The following RAVER1 variants were observed in gnomAD, a reference collection of about 807,000 sequenced individuals.
RAVER1 encodes ribonucleoprotein PTB-binding 1.
RAVER1 carries 36 observed loss-of-function variants against 68.4 expected under a neutral mutation model. That is an observed-to-expected ratio of 0.53 (90% CI 0.40 to 0.70). The LOEUF is 0.70. RAVER1 is among the 30% of genes least tolerant of loss of function. The probability of loss-of-function intolerance (pLI) is 0.00; values close to 1 mark genes in which losing one functional copy is unlikely to be tolerated. For missense variants in RAVER1, 933 were observed against 1,019.8 expected, an observed-to-expected ratio of 0.91 and a Z score of 1.16; for synonymous variants, 469 against 472.7, an observed-to-expected ratio of 0.99 and a Z score of 0.10.
At position 10,329,646 on chromosome 19, in the gene RAVER1, C is replaced by T. The variant is rs1416860325; in HGVS notation, c.287-535G>A. ...CACTCTACACACTGCCCACCCCTGC[C>T]ACCTTTCCAGGCCACCAGTGCCCCT... On this transcript the variant is annotated intron_variant, in intron 2 of 12. Transcript: ENST00000617231. The surrounding 1 kb of genome is among the most constrained non-coding windows in gnomAD (Gnocchi z 4.6). Among the ~76,000 whole-genome samples the T allele has an allele frequency of 1.3e-5, 2 of 152,204 alleles. No individual in the cohort carries two copies. Among genetic ancestry groups the T allele is most frequent in the Non-Finnish European group, 2.9e-5 (2 of 68,046 alleles).
At chr19:10,330,889 C>T (rs1046856609) in intron 1 of RAVER1, among the ~76,000 whole-genome samples, 4 of 151,118 alleles carry the variant, frequency 2.6e-5, no homozygotes, top group African/African-American at 9.8e-5. Flanking sequence ...CATGGTGAAA[C>T]CTTGTCTCTA....
chr19:10,322,558 T>G lies in RAVER1; in HGVS notation c.1173+87A>C. The stretch of plus-strand genomic sequence containing the variant: ...TGCGCCCCCAGGGCACAGCCAGAGG[T>G]CCCCCCACCCCACCGATCGCACCAG... On this transcript the variant is annotated intron_variant, in intron 6 of 12. Coordinates refer to ENST00000617231, the MANE Select transcript of RAVER1 (RefSeq NM_133452.3). The surrounding 1 kb of genome is among the most constrained non-coding windows in gnomAD (Gnocchi z 4.3). 1.0e-6 allele frequency: 1 copy of G among 992,810 alleles called. No individual in the cohort carries two copies. 61.5% of individuals were successfully genotyped at this position (992,810 alleles called of 1,614,324 possible). A position where few individuals can be genotyped will look rare whatever the true frequency, so the allele number is the denominator to read the frequency against.
rs2040452037 is a variant in RAVER1, at chr19:10,323,304, T to G, written c.949-30A>C. ...AGGAAGGAACAGAAGCAGCTCAGAG[T>G]GCCGCTGGGGCCCTGACATCCCCAT... On this transcript the variant is annotated intron_variant, in intron 4 of 12. Coordinates refer to ENST00000617231, the MANE Select transcript of RAVER1 (RefSeq NM_133452.3). The surrounding 1 kb of genome is among the most constrained non-coding windows in gnomAD (Gnocchi z 6.2). The G allele has an allele frequency of 1.2e-6, 2 of 1,612,510 alleles. No individual in the cohort carries two copies. The highest frequency in any genetic ancestry group is 1.7e-6 in the Non-Finnish European group (2 of 1,179,390).
At position 10,319,045 on chromosome 19, in the gene RAVER1, A is replaced by T. The variant is rs537890746; in HGVS notation, c.1845+121T>A. The T allele has an allele frequency of 2.6e-5, 24 of 919,232 alleles. No homozygotes were observed. In the African/African-American group the frequency reaches 2.8e-4, roughly 11 times the overall value. The allele number at this position is 919,232 out of a possible 1,614,324, so 56.9% of individuals were successfully genotyped here. ...GGGCAACACAGTGAGATCCTGTCTT[A>T]AAAAAACCCACAAAGAACACACAAA... On this transcript the variant is annotated intron_variant, in intron 10 of 12. Transcript: ENST00000617231.
chr19:10,320,034 T>A (rs190934044), intron 9 of RAVER1, among the ~76,000 whole-genome samples: 402 of 151,878 alleles, frequency 2.6e-3, no homozygotes, highest in African/African-American at 9.2e-3. Flanking sequence ...GAGAGAGGGA[T>A]AGAAAGGGCA....
At chr19:10,330,615 G>GCGGCACT in intron 1 of RAVER1, 89 bp from the exon 2 acceptor site, 1 of 668,742 alleles carries the variant, frequency 1.5e-6, no homozygotes, top group Non-Finnish European at 2.8e-6. Flanking sequence ...CAGCTATGAA[G>GCGGCACT]GCAGGTCAAT....
Position 10,328,819 on chromosome 19 carries a change from C to A in RAVER1, c.579G>T (p.Leu193=), listed in dbSNP as rs1412111486. ...KDSAARAKSD[L]LGKPLGPRTL... is the part of the protein sequence containing the mutation. ...TGCGTGGTCCCAGCGGCTTGCCCAG[C>A]AGGTCCGACTTGGCACGGGCAGCCG... The change falls in exon 3 of 13, where the codon CTG becomes CTT. Residue 193 remains leucine, a synonymous_variant. Coordinates refer to ENST00000617231, the MANE Select transcript of RAVER1 (RefSeq NM_133452.3). This position sits in a 1 kb window ranked among gnomAD's most constrained non-coding sequence, Gnocchi z 4.4. 6.2e-7 allele frequency: 1 copy of A among 1,612,870 alleles called. No homozygotes were observed. The highest frequency in any genetic ancestry group is 8.5e-7 in the Non-Finnish European group (1 of 1,179,806).
chr19:10,325,128 C>G (rs989537095), intron 3 of RAVER1, among the ~76,000 whole-genome samples: 2 of 152,122 alleles, frequency 1.3e-5, no homozygotes, highest in African/African-American at 2.4e-5. Flanking sequence ...TCAATCAATT[C>G]TCCTGCCTCA....
Position 10,317,381 on chromosome 19 carries a change from A to C in RAVER1, c.*73T>G. 6.7e-7 allele frequency: 1 copy of C among 1,503,736 alleles called. No individual in the cohort carries two copies. Among genetic ancestry groups the C allele is most frequent in the Non-Finnish European group, 9.2e-7 (1 of 1,086,370 alleles). The allele number at this position is 1,503,736 out of a possible 1,614,324, so 93.1% of individuals were successfully genotyped here. A position where few individuals can be genotyped will look rare whatever the true frequency, so the allele number is the denominator to read the frequency against. ...AAAGAGAGAAAATGGTTTAAAAAAA[A>C]CACAAAACAAAACATCAGAAAACCC... On this transcript the variant is annotated 3_prime_UTR_variant, in exon 13 of 13. Transcript: ENST00000617231. The surrounding 1 kb of genome is among the most constrained non-coding windows in gnomAD (Gnocchi z 4.3).
At position 10,323,020 on chromosome 19, in the gene RAVER1, T is replaced by A. The variant is rs987478761; in HGVS notation, c.1078+125A>T. ...AGCAGCCCCCGCTATGACTCCATAC[T>A]CCCCCTCGGCCCTACTCCTGGGGCT... On this transcript the variant is annotated intron_variant, in intron 5 of 12. Transcript: ENST00000617231. This position sits in a 1 kb window ranked among gnomAD's most constrained non-coding sequence, Gnocchi z 6.2. 9.8e-6 allele frequency: 8 copies of A among 814,648 alleles called. No homozygotes were observed. The highest frequency in any genetic ancestry group is 7.0e-5 in the African/African-American group (4 of 57,118). 50.5% of individuals were successfully genotyped at this position (814,648 alleles called of 1,614,324 possible).
In RAVER1 at chr19:10,317,533, C is replaced by T; in HGVS notation, c.2141G>A (p.Gly714Asp). ...CTGGGAGTGCTGGCCCACATAGCTG[C>T]CTTCTGGGCTGGGCTCGGGCGAGGG... ...LLPSPEPSPE[G>D]SYVGQHSQGL... The change falls in exon 13 of 13, where the codon GGC (glycine) becomes GAC (aspartate). Residue 714 changes from glycine (G) to aspartate (D), a missense_variant. By Grantham distance (94) the Gly-to-Asp change is moderately conservative. Around this residue, in one of 3 missense-constraint regions of RAVER1, gnomAD observed 699 missense variants for 731.1 expected, o/e 0.96. Transcript: ENST00000617231. This position sits in a 1 kb window ranked among gnomAD's most constrained non-coding sequence, Gnocchi z 4.3. 6.2e-7 allele frequency: 1 copy of T among 1,613,698 alleles called. No homozygotes were observed. Among genetic ancestry groups the T allele is most frequent in the Non-Finnish European group, 8.5e-7 (1 of 1,179,722 alleles).
In RAVER1 at chr19:10,323,997, A is replaced by C. The variant is rs1020994700; in HGVS notation, c.757-431T>G. ...AACCCCGTCTCTACTAAAAATACAA[A>C]ATTAGCCAGGCGTGGTGGCACATGC... On this transcript the variant is annotated intron_variant, in intron 3 of 12. Transcript: ENST00000617231. The surrounding 1 kb of genome is among the most constrained non-coding windows in gnomAD (Gnocchi z 6.2). 6.6e-6 allele frequency among the ~76,000 whole-genome samples: 1 copy of C among 151,902 alleles called. No individual in the cohort carries two copies. The highest frequency in any genetic ancestry group is 1.5e-5 in the Non-Finnish European group (1 of 67,972).
In RAVER1 at chr19:10,322,733, A is replaced by G; in HGVS notation, c.1085T>C (p.Leu362Pro). Residue 362 changes from leucine (L) to proline (P), a missense_variant, in exon 6 of 13, where the codon CTG becomes CCG. Around this residue, in one of 3 missense-constraint regions of RAVER1, gnomAD observed 699 missense variants for 731.1 expected, o/e 0.96. Transcript: ENST00000617231. This position sits in a 1 kb window ranked among gnomAD's most constrained non-coding sequence, Gnocchi z 4.3. ...CAGCGGCATGGCTGGGGGGGCACCCAGGAGGCCTGGAGGGAGACATAGGAG... is the reference window on the plus strand; with the variant it reads ...CAGCGGCATGGCTGGGGGGGCACCCGGGAGGCCTGGAGGGAGACATAGGAG... Reference protein sequence around the residue: ...HGSAGGKQGLLGAPPAMPLLN... With the variant: ...HGSAGGKQGLPGAPPAMPLLN... 6.7e-7 allele frequency: 1 copy of G among 1,500,798 alleles called. No individual in the cohort carries two copies. Among genetic ancestry groups the G allele is most frequent in the Non-Finnish European group, 8.8e-7 (1 of 1,134,496 alleles). The allele number at this position is 1,500,798 out of a possible 1,614,324, so 93.0% of individuals were successfully genotyped here. A position where few individuals can be genotyped will look rare whatever the true frequency, so the allele number is the denominator to read the frequency against.
chr19:10,320,752 G>T lies in RAVER1; in HGVS notation c.1673C>A (p.Ala558Asp). The part of the protein sequence containing the change: ...APGGGSSSSK[A>D]FQLKSRLLSP... ...GAGCAGGCGGGACTTGAGCTGGAAG[G>T]CTTTGCTGCTGCTGCTGCCACCTCC... The change falls in exon 9 of 13, where the codon GCC becomes GAC. Residue 558 changes from alanine (A) to aspartate (D), a missense_variant. Around this residue, in one of 3 missense-constraint regions of RAVER1, gnomAD observed 699 missense variants for 731.1 expected, o/e 0.96. Coordinates refer to ENST00000617231, the MANE Select transcript of RAVER1 (RefSeq NM_133452.3). 2.6e-6 allele frequency: 4 copies of T among 1,515,270 alleles called. No individual in the cohort carries two copies. Among genetic ancestry groups the T allele is most frequent in the Non-Finnish European group, 2.6e-6 (3 of 1,141,240 alleles). The allele number at this position is 1,515,270 out of a possible 1,614,324, so 93.9% of individuals were successfully genotyped here.
intron 1 of RAVER1, among the ~76,000 whole-genome samples, chr19:10,330,925 G>C (rs181752422): frequency 2.0e-5 from 3 of 151,908 alleles, no homozygotes; most frequent in Non-Finnish European, 4.4e-5. Context: ...TTAGCCAGGA[G>C]TGGTGGCGCA....
rs1245337573 is a variant in RAVER1 at position 10,330,453 on chromosome 19, C to G, written c.286+7G>C. On this transcript the variant is annotated splice_region_variant and intron_variant, in intron 2 of 12. Coordinates refer to ENST00000617231, the MANE Select transcript of RAVER1 (RefSeq NM_133452.3). ...CCTGCCCTGGCCCGCCCCATGGCCC[C>G]ACAAACCTGTCCCTTTGTATTTGTC... 2 of 1,456,342 alleles carry G rather than the reference C, an allele frequency of 1.4e-6. No individual in the cohort carries two copies. The highest frequency in any genetic ancestry group is 2.4e-5 in the East Asian group (1 of 42,310). The allele number at this position is 1,456,342 out of a possible 1,614,324, so 90.2% of individuals were successfully genotyped here.
At position 10,320,683 on chromosome 19, in the gene RAVER1, G is replaced by C. The variant is rs2040429603; in HGVS notation, c.1742C>G (p.Ser581Cys). ...SARLPPEPGL[S>C]DSYSFDYPSD... is the part of the protein sequence containing the mutation. ...GGGGTAGTCGAAGCTGTAGCTGTCAGACAGTCCTGGTTCGGGGGGCAGGCG... is the reference window on the plus strand; with the variant it reads ...GGGGTAGTCGAAGCTGTAGCTGTCACACAGTCCTGGTTCGGGGGGCAGGCG... Residue 581 changes from serine to cysteine, a missense_variant, in exon 9 of 13, where the codon TCT (serine) becomes TGT (cysteine). By Grantham distance (112) the Ser-to-Cys change is moderately radical. Around this residue, in one of 3 missense-constraint regions of RAVER1, gnomAD observed 699 missense variants for 731.1 expected, o/e 0.96. Coordinates refer to ENST00000617231, the MANE Select transcript of RAVER1 (RefSeq NM_133452.3). 6.4e-7 allele frequency: 1 copy of C among 1,555,172 alleles called. No homozygotes were observed. Among genetic ancestry groups the C allele is most frequent in the Non-Finnish European group, 8.7e-7 (1 of 1,155,344 alleles).
chr19:10,316,631 G>C lies in RAVER1; in HGVS notation c.*823C>G, dbSNP rs757618034. The C allele has an allele frequency of 2.1e-6, 2 of 952,048 alleles. No homozygotes were observed. Among genetic ancestry groups the C allele is most frequent in the Non-Finnish European group, 2.5e-6 (2 of 798,788 alleles). The allele number at this position is 952,048 out of a possible 1,614,324, so 59.0% of individuals were successfully genotyped here. ...CTGCACGGAGGCCCGGGTAGGAGGG[G>C]GTGGTGGGGCCGGTTCGCCAAGATG... On this transcript the variant is annotated 3_prime_UTR_variant, in exon 13 of 13. Transcript: ENST00000617231.
rs1301838570 is a variant in RAVER1 at position 10,333,142 on chromosome 19, T to G, written c.219+147A>C. ...TCATCGCCCCCCCACGTCCCGCTCT[T>G]GGTCTCTCCCGATCCCGCGTGGATC... On this transcript the variant is annotated intron_variant, in intron 1 of 12. Transcript: ENST00000617231. This position sits in a 1 kb window ranked among gnomAD's most constrained non-coding sequence, Gnocchi z 4.2. 1 of 764,316 alleles carries G rather than the reference T, an allele frequency of 1.3e-6. No individual in the cohort carries two copies. Among genetic ancestry groups the G allele is most frequent in the East Asian group, 2.8e-5 (1 of 36,108 alleles). 47.3% of individuals were successfully genotyped at this position (764,316 alleles called of 1,614,324 possible). A position where few individuals can be genotyped will look rare whatever the true frequency, so the allele number is the denominator to read the frequency against.
Sources: allele counts gnomAD v4.1 joint callset (sites outside exome capture counted in the v4.1 genomes callset), GRCh38; gene constraint gnomAD v4.1.1; regional missense constraint gnomAD v4.1.1; non-coding constraint Gnocchi (gnomAD v3.1); transcripts MANE v1.5; gene names NCBI Gene and HGNC (gene_info 2026-07-23, HGNC 2026-07-21).